Variants in GPC5 observed in about 807,000 individuals in gnomAD.
GPC5 encodes glypican-5.
A neutral mutation model predicts 53.9 loss-of-function variants in GPC5; 47 were observed. The ratio of observed to expected loss-of-function variants is 0.87; its 90% confidence interval spans 0.69 to 1.11. The LOEUF is 1.11. GPC5 is among the 50% of genes most tolerant of loss of function. The pLI is 0.00. For synonymous variants in GPC5, 286 were observed against 263.3 expected (o/e 1.09, Z -0.84); for missense variants, 748 against 713.1 (o/e 1.05, Z -0.56).
intron 7 of GPC5, among the ~76,000 whole-genome samples, chr13:92,226,915 T>G (rs941530008): frequency 6.6e-6 from 1 of 152,054 alleles, no homozygotes; most frequent in Non-Finnish European, 1.5e-5. Context: ...AAGCAGAACT[T>G]TAATAGAAGT....
At chr13:92,375,849 A>G (rs1042571834) in intron 7 of GPC5, among the ~76,000 whole-genome samples, 3 of 152,174 alleles carry the variant, frequency 2.0e-5, no homozygotes, top group African/African-American at 7.2e-5. Context: ...CATCTGCAAA[A>G]TACCTCTGCA....
At chr13:92,791,362 A>G (rs1876454748) in intron 7 of GPC5, among the ~76,000 whole-genome samples, 1 of 150,204 alleles carries the variant, frequency 6.7e-6, no homozygotes, top group Non-Finnish European at 1.5e-5. Flanking sequence ...GCATACATGT[A>G]TATAAATGTA....
intron 7 of GPC5, among the ~76,000 whole-genome samples, chr13:92,277,620 T>G (rs1004498607): frequency 3.9e-5 from 6 of 152,018 alleles, no homozygotes; most frequent in Non-Finnish European, 7.4e-5. Context: ...AATTTAATAC[T>G]AAGCATTTTT....
intron 2 of GPC5, chr13:91,486,286 A>G (rs995582273): frequency 2.0e-5 from 3 of 152,190 alleles, no homozygotes; most frequent in Non-Finnish European, 4.4e-5. Flanking sequence ...GCCTTTACCA[A>G]TGAATCACTT....
At chr13:92,090,757 A>T (rs2041373714) in intron 6 of GPC5, among the ~76,000 whole-genome samples, 1 of 152,242 alleles carries the variant, frequency 6.6e-6, no homozygotes, top group Non-Finnish European at 1.5e-5. Flanking sequence ...ATTTAAAATT[A>T]TGTGCCTCAA....
intron 2 of GPC5, among the ~76,000 whole-genome samples, chr13:91,454,071 A>T (rs1255977715): frequency 6.6e-6 from 1 of 152,040 alleles, no homozygotes; most frequent in Non-Finnish European, 1.5e-5. Flanking sequence ...TGCATGGTTT[A>T]GTGTGTTATC....
At chr13:92,243,537 A>G (rs1394401301) in intron 7 of GPC5, among the ~76,000 whole-genome samples, 1 of 152,192 alleles carries the variant, frequency 6.6e-6, no homozygotes, top group Non-Finnish European at 1.5e-5. Context: ...AAAGGTTGAT[A>G]TTATAGGATT....
intron 7 of GPC5, among the ~76,000 whole-genome samples, chr13:92,218,194 C>G (rs2042424774): frequency 6.6e-6 from 1 of 152,078 alleles, no homozygotes; most frequent in Admixed American, 6.6e-5. Flanking sequence ...TCCCAAAGTG[C>G]TGGGACTACA....
intron 6 of GPC5, among the ~76,000 whole-genome samples, chr13:92,031,752 T>TGTAA (rs1566403212): frequency 2.3e-5 from 1 of 43,730 alleles, no homozygotes; most frequent in East Asian, 4.6e-4. Flanking sequence ...ATAATATATA[T>TGTAA]TATATTACAT....
rs550009921 is a variant in GPC5 at position 91,846,987 on chromosome 13, A to C, written c.1281-60950A>C. ...GTAATCCCAGCACTTTGGGAGGCTG[A>C]GGTGCGCGGATCACTAGGTCAGGAG... On this transcript the variant is annotated intron_variant, in intron 5 of 7. Coordinates refer to ENST00000377067, the MANE Select transcript of GPC5 (RefSeq NM_004466.6). 1.4e-3 allele frequency among the ~76,000 whole-genome samples: 213 copies of C among 152,220 alleles called. 1 individual carries two copies. Among genetic ancestry groups the C allele is most frequent in the Non-Finnish European group, 2.3e-3 (159 of 67,998 alleles).
At chr13:92,071,339 A>T (rs1351713890) in intron 6 of GPC5, among the ~76,000 whole-genome samples, 1 of 152,148 alleles carries the variant, frequency 6.6e-6, no homozygotes, top group Admixed American at 6.5e-5. Flanking sequence ...AATCATATAG[A>T]TTCTTCTTGA....
intron 6 of GPC5, among the ~76,000 whole-genome samples, chr13:92,130,668 TA>T: frequency 6.6e-6 from 1 of 152,118 alleles, no homozygotes; most frequent in Non-Finnish European, 1.5e-5. Flanking sequence ...ACATGAGAAG[TA>T]AGGATAAATA....
intron 1 of GPC5, among the ~76,000 whole-genome samples, chr13:91,429,974 C>A (rs1032016337): frequency 4.6e-5 from 7 of 152,098 alleles, no homozygotes; most frequent in African/African-American, 1.4e-4. Context: ...ACTCTGGCAG[C>A]AGTATAAAAG....
chr13:91,737,981 G>A (rs969929978), intron 4 of GPC5, among the ~76,000 whole-genome samples: 3 of 151,312 alleles, frequency 2.0e-5, no homozygotes, highest in African/African-American at 4.9e-5. Flanking sequence ...CCAGGTAATT[G>A]AAGCTTATAT....
intron 3 of GPC5, among the ~76,000 whole-genome samples, chr13:91,694,875 C>T (rs145469487): frequency 2.0e-5 from 3 of 152,288 alleles, no homozygotes; most frequent in East Asian, 1.9e-4. Context: ...TCCCAAAGTG[C>T]TGGAATTACA....
intron 2 of GPC5, among the ~76,000 whole-genome samples, chr13:91,550,398 G>A (rs1307232120): frequency 6.6e-6 from 1 of 152,114 alleles, no homozygotes; most frequent in East Asian, 1.9e-4. Flanking sequence ...TTCACCAGTT[G>A]TAACAAATGT....
intron 7 of GPC5, among the ~76,000 whole-genome samples, chr13:92,601,644 T>C (rs1185229115): frequency 6.6e-6 from 1 of 151,852 alleles, no homozygotes; most frequent in Non-Finnish European, 1.5e-5. Flanking sequence ...AAACATAAGA[T>C]TTCAGTGTGT....
chr13:91,672,704 C>A (rs570827153), intron 2 of GPC5, among the ~76,000 whole-genome samples: 2 of 152,266 alleles, frequency 1.3e-5, no homozygotes, highest in East Asian at 3.9e-4. Context: ...ACCAGAAATA[C>A]CATTTGCCCT....
chr13:92,765,492 A>T (rs963552697), intron 7 of GPC5, among the ~76,000 whole-genome samples: 12 of 152,204 alleles, frequency 7.9e-5, no homozygotes, highest in Non-Finnish European at 5.9e-5. Context: ...GCTGTATCTG[A>T]AATATAATTC....
Sources: gnomAD v4.1 joint callset for allele counts (sites outside exome capture counted in the v4.1 genomes callset) on GRCh38, gnomAD v4.1.1 for gene constraint, MANE v1.5 for transcripts, NCBI Gene and HGNC (gene_info 2026-07-23, HGNC 2026-07-21) for gene names.